The following RECQL4 variants were observed in gnomAD, a reference collection of about 807,000 sequenced individuals.
RECQL4 encodes RecQ like helicase 4.
RECQL4 carries 158 observed loss-of-function variants against 128.6 expected under a neutral mutation model. The ratio of observed to expected loss-of-function variants is 1.23; its 90% CI spans 1.08 to 1.40. The LOEUF (loss-of-function observed/expected upper bound fraction) is 1.40. Ranked by LOEUF, RECQL4 falls within the 40% of genes most tolerant of loss-of-function variation. The pLI is 0.00. For missense variants in RECQL4, 2,293 were observed against 1,649.8 expected (o/e 1.39, Z -6.75); for synonymous variants, 996 against 678.9 (o/e 1.47, Z -7.26).
In RECQL4 at chr8:144,511,555, C is replaced by T. The variant is rs1221050461; in HGVS notation, c.3503G>A (p.Gly1168Glu). Residue 1168 changes from glycine to glutamate, a missense_variant and splice_region_variant, in exon 21 of 21, where the codon GGA becomes GAA. Coordinates refer to ENST00000617875, the MANE Select transcript of RECQL4 (RefSeq NM_004260.4). ...RAVARIFHGI[G>E]SPCYPAQVYG... ...CACCTGGGCCGGGTAGCAGGGGCTT[C>T]CTACGGTGGAGCCAAGACACAGCCG... The T allele has an allele frequency of 6.2e-7, 1 of 1,611,962 alleles. No homozygotes were observed. Among genetic ancestry groups the T allele is most frequent in the African/African-American group, 1.3e-5 (1 of 74,936 alleles).
At position 144,514,479 on chromosome 8, in the gene RECQL4, C is replaced by T. The variant is rs575020739; in HGVS notation, c.1667G>A (p.Gly556Asp). ...PCLKAACIHSGMTRKQRESVL... is the reference protein window; with the variant it reads ...PCLKAACIHSDMTRKQRESVL... Reference sequence around the variant, plus strand: ...AGATTCCCGTTGCTTCCTGGTCATGCCCGAGTGTATGCAGGCCGCCTTGAG... The same window carrying T: ...AGATTCCCGTTGCTTCCTGGTCATGTCCGAGTGTATGCAGGCCGCCTTGAG... The change falls in exon 10 of 21, where the codon GGC (glycine) becomes GAC (aspartate). Residue 556 changes from glycine (G) to aspartate (D), a missense_variant. Coordinates refer to ENST00000617875, the MANE Select transcript of RECQL4 (RefSeq NM_004260.4). 8 of 1,612,334 alleles carry T rather than the reference C, an allele frequency of 5.0e-6. No individual in the cohort carries two copies. In the Admixed American group the frequency reaches 1.3e-4, roughly 27 times the overall value.
chr8:144,513,670 CG>C lies in RECQL4; in HGVS notation c.2100del (p.Asp701IlefsTer142). Reference sequence around the variant, plus strand: ...CGGTTGCAGTAAATGATAATGGAATCGAGGTTTTGAAAACGTTTGCCTTGCA... The same window carrying C: ...CGGTTGCAGTAAATGATAATGGAATCAGGTTTTGAAAACGTTTGCCTTGCA... ...TLLQGKRFQN[L>X]DSIIIYCNRR... is the part of the protein sequence containing the mutation. On this transcript the variant is annotated frameshift_variant, in exon 13 of 21. Coordinates refer to ENST00000617875, the MANE Select transcript of RECQL4 (RefSeq NM_004260.4). LOFTEE classifies it high-confidence loss of function. 6.4e-7 allele frequency: 1 copy of C among 1,556,848 alleles called. No homozygotes were observed. Among genetic ancestry groups the C allele is most frequent in the Non-Finnish European group, 8.7e-7 (1 of 1,151,286 alleles).
Position 144,516,034 on chromosome 8 carries a change from T to G in RECQL4, c.1085A>C (p.His362Pro). Reference protein sequence around the residue: ...NYVRLNMKQKHYVRGRALRSR... With the variant: ...NYVRLNMKQKPYVRGRALRSR... ...ACGGAGTGCCCGGCCCCGCACGTAG[T>G]GTTTCTGCTTCATGTTGAGCCGTAC... Residue 362 changes from histidine to proline, a missense_variant, in exon 5 of 21, where the codon CAC becomes CCC. Transcript: ENST00000617875. The G allele has an allele frequency of 6.2e-7, 1 of 1,611,794 alleles. No individual in the cohort carries two copies. Among genetic ancestry groups the G allele is most frequent in the Non-Finnish European group, 8.5e-7 (1 of 1,179,130 alleles).
In RECQL4 at chr8:144,514,447, G is replaced by A. The variant is rs770709355; in HGVS notation, c.1699C>T (p.Gln567Ter). Residue 567 changes from glutamine to a stop codon, truncating the protein, a stop_gained, in exon 10 of 21, where the codon CAG (glutamine) becomes TAG (stop). Transcript: ENST00000617875. LOFTEE classifies it high-confidence loss of function. ...TAGGCCCATGAGGCCCCCACCTTCT[G>A]CAGGACAGATTCCCGTTGCTTCCTG... Reference protein sequence around the residue: ...MTRKQRESVLQKIRAAQVHVL... With the variant: ...MTRKQRESVL 3.0e-5 allele frequency: 49 copies of A among 1,611,926 alleles called. No individual in the cohort carries two copies. The highest frequency in any genetic ancestry group is 4.2e-5 in the Non-Finnish European group (49 of 1,179,368).
chr8:144,517,224 G>A (rs1815268315), intron 3 of RECQL4, 34 bp from the exon 4 acceptor site: 11 of 1,563,080 alleles, frequency 7.0e-6, no homozygotes, highest in East Asian at 2.4e-5. Flanking sequence ...GGCCAGAAAA[G>A]GCTGTTGTGG....
At chr8:144,511,823 C>T (rs1420186850) in intron 19 of RECQL4, 34 bp from the exon 20 acceptor site, 3 of 1,611,384 alleles carry the variant, frequency 1.9e-6, no homozygotes, top group Non-Finnish European at 2.5e-6. Flanking sequence ...TTCCTCTGAG[C>T]TCCCGTGGCA....
chr8:144,517,618 C>A lies in RECQL4; in HGVS notation c.102G>T (p.Ala34=), dbSNP rs1043318406. The A allele has an allele frequency of 6.2e-5, 92 of 1,486,860 alleles. No individual in the cohort carries two copies. The highest frequency in any genetic ancestry group is 7.8e-5 in the Non-Finnish European group (88 of 1,126,544). The allele number at this position is 1,486,860 out of a possible 1,614,324, so 92.1% of individuals were successfully genotyped here. A position where few individuals can be genotyped will look rare whatever the true frequency, so the allele number is the denominator to read the frequency against. ...RRPSQDDVEA[A]PEETRALYRE... ...CGCGCTCACCGCGGGTCTCCTCCGG[C>A]GCCGCCTCCACGTCGTCCTGTAAAG... The change falls in exon 2 of 21, where the codon GCG becomes GCT. Residue 34 remains alanine (A), a synonymous_variant. Transcript: ENST00000617875.
rs557142414 is a variant in RECQL4, at chr8:144,515,395, G to A, written c.1321C>T (p.Pro441Ser). 214 of 1,612,772 alleles carry A rather than the reference G, an allele frequency of 1.3e-4. 1 individual carries two copies. In the East Asian group the frequency reaches 4.6e-3, roughly 34 times the overall value. ...EPLVPSPQPV[P>S]EVPSLDPTVL... is the part of the protein sequence containing the mutation. ...GTGGGGTCCAGGCTGGGCACCTCAG[G>A]TACAGGTTGTGGTGAAGGAACCAGT... is the stretch of plus-strand genomic sequence containing the variant. The change falls in exon 7 of 21, where the codon CCT (proline) becomes TCT (serine). Residue 441 changes from proline (P) to serine (S), a missense_variant. Coordinates refer to ENST00000617875, the MANE Select transcript of RECQL4 (RefSeq NM_004260.4).
In RECQL4 at chr8:144,512,506, C is replaced by T. The variant is rs757541591; in HGVS notation, c.2941G>A (p.Gly981Ser). The change falls in exon 17 of 21, where the codon GGC (glycine) becomes AGC (serine). Residue 981 changes from glycine to serine, a missense_variant. Transcript: ENST00000617875. ...AQQLPEDPGQGSSSVEFDMVK... is the reference protein window; with the variant it reads ...AQQLPEDPGQSSSSVEFDMVK... ...ATGTCAAACTCCACGGAGCTGCTGC[C>T]TTGCCCTGGGTCCTCAGGCAGCTGC... 15 of 1,612,452 alleles carry T rather than the reference C, an allele frequency of 9.3e-6. No individual in the cohort carries two copies. In the Admixed American group the frequency reaches 1.5e-4, roughly 16 times the overall value.
At chr8:144,514,885 C>T in intron 9 of RECQL4, 51 bp downstream of exon 9, 1 of 1,596,952 alleles carries the variant, frequency 6.3e-7, no homozygotes, top group South Asian at 1.1e-5. Flanking sequence ...TTGGGAGTCA[C>T]AAGTGCTGGT....
In RECQL4 at chr8:144,514,245, G is replaced by A. The variant is rs375033380; in HGVS notation, c.1822C>T (p.His608Tyr). The A allele has an allele frequency of 6.8e-6, 11 of 1,612,166 alleles. No individual in the cohort carries two copies. Among genetic ancestry groups the A allele is most frequent in the African/African-American group, 1.3e-5 (1 of 74,894 alleles). Residue 608 changes from histidine to tyrosine, a missense_variant, in exon 11 of 21, where the codon CAC becomes TAC. Transcript: ENST00000617875. ...TTGTGGGACCACTGGGAGAGGCAGT[G>A]GGCCTCATCAATGCAGGCAAAAGCA... is the stretch of plus-strand genomic sequence containing the variant. ...PVAFACIDEA[H>Y]CLSQWSHNFR... is the part of the protein sequence containing the mutation.
At position 144,512,292 on chromosome 8, in the gene RECQL4, A is replaced by C. The variant is rs759912361; in HGVS notation, c.3088T>G (p.Phe1030Val). 66 of 1,612,196 alleles carry C rather than the reference A, an allele frequency of 4.1e-5. No homozygotes were observed. The highest frequency in any genetic ancestry group is 5.5e-5 in the Non-Finnish European group (65 of 1,179,748). Residue 1030 changes from phenylalanine (F) to valine (V), a missense_variant, in exon 18 of 21, where the codon TTC (phenylalanine) becomes GTC (valine). Phe to Val is a conservative substitution (Grantham distance 50). Transcript: ENST00000617875. ...CGAAGGTGGAAGGCCAGCTCACTGA[A>C]CTCCACAAGCACCCCTGTCCCACGC... The part of the protein sequence containing the change: ...VRRGTGVLVE[F>V]SELAFHLRSP...
At position 144,514,959 on chromosome 8, in the gene RECQL4, G is replaced by A. The variant is rs769939735; in HGVS notation, c.1597C>T (p.Leu533=). Residue 533 remains leucine (L), a synonymous_variant, in exon 9 of 21, where the codon CTG becomes TTG. Transcript: ENST00000617875. ...ACCTGGTCATCCATGAGTGACAGCAGGGGAGAGACGACCAACGTGAGGCAG... is the reference window on the plus strand; with the variant it reads ...ACCTGGTCATCCATGAGTGACAGCAAGGGAGAGACGACCAACGTGAGGCAG... ...SPCLTLVVSP[L]LSLMDDQVSG... is the part of the protein sequence containing the mutation. 2.8e-5 allele frequency: 45 copies of A among 1,611,656 alleles called. 1 individual carries two copies. The East Asian group carries it at 5.3e-4, about 19-fold the overall frequency.
Position 144,515,163 on chromosome 8 carries a change from C to T in RECQL4, c.1470G>A (p.Met490Ile), listed in dbSNP as rs1464951222. 1 of 1,565,150 alleles carries T rather than the reference C, an allele frequency of 6.4e-7. No individual in the cohort carries two copies. The highest frequency in any genetic ancestry group is 1.4e-5 in the African/African-American group (1 of 73,722). Residue 490 changes from methionine (M) to isoleucine (I), a missense_variant, in exon 8 of 21, where the codon ATG becomes ATA. Transcript: ENST00000617875. ...AFRPGQERAV[M>I]RILSGISTLL... ...AGCCACGCTCACCAGACAGGATCCGCATGACTGCACGCTCCTGCCCAGGGC... is the reference window on the plus strand; with the variant it reads ...AGCCACGCTCACCAGACAGGATCCGTATGACTGCACGCTCCTGCCCAGGGC...
Position 144,511,376 on chromosome 8 carries a change from C to G in RECQL4, c.*55G>C. The G allele has an allele frequency of 1.9e-6, 3 of 1,595,618 alleles. No homozygotes were observed. The highest frequency in any genetic ancestry group is 2.6e-6 in the Non-Finnish European group (3 of 1,165,840). ...CAGGTTTTGCCCAGGTCCTCAGTCA[C>G]TGCCCTAGCCTCTGACAACCCCAGC... On this transcript the variant is annotated 3_prime_UTR_variant, in exon 21 of 21. Coordinates refer to ENST00000617875, the MANE Select transcript of RECQL4 (RefSeq NM_004260.4).
At position 144,517,831 on chromosome 8, in the gene RECQL4, T is replaced by C. The variant is rs2130747449; in HGVS notation, c.-47A>G. 8.5e-7 allele frequency: 1 copy of C among 1,175,986 alleles called. No individual in the cohort carries two copies. The highest frequency in any genetic ancestry group is 1.1e-6 in the Non-Finnish European group (1 of 952,002). 72.8% of individuals were successfully genotyped at this position (1,175,986 alleles called of 1,614,324 possible). On this transcript the variant is annotated 5_prime_UTR_variant, in exon 1 of 21. Coordinates refer to ENST00000617875, the MANE Select transcript of RECQL4 (RefSeq NM_004260.4). ...TCCGCGCTTGCGATCGTCCAGCGAA[T>C]CTCCCGCGCAGCCGTCGCGGGGGCC...
intron 18 of RECQL4, 28 bp from the exon 19 acceptor site, chr8:144,512,095 T>A (rs1303640058): frequency 1.2e-6 from 2 of 1,605,454 alleles, no homozygotes; most frequent in Non-Finnish European, 1.7e-6. Context: ...TCAGAGCTGA[T>A]CACTGCGGGA....
In RECQL4 at chr8:144,515,200, T is replaced by A. The variant is rs925385244; in HGVS notation, c.1433A>T (p.His478Leu). 1 of 1,570,854 alleles carries A rather than the reference T, an allele frequency of 6.4e-7. No homozygotes were observed. The highest frequency in any genetic ancestry group is 1.4e-5 in the African/African-American group (1 of 73,764). The part of the protein sequence containing the change: ...EVFQALEQLG[H>L]QAFRPGQERA... ...CTCCTGCCCAGGGCGAAAGGCTTGG[T>A]GCCCCAGCTGCTCCAGGGCCTGGAA... Residue 478 changes from histidine to leucine, a missense_variant, in exon 8 of 21, where the codon CAC becomes CTC. By Grantham distance (99) the His-to-Leu change is moderately conservative (BLOSUM62 -3). Transcript: ENST00000617875.
Position 144,512,995 on chromosome 8 carries a change from A to G in RECQL4, c.2607T>C (p.Gly869=). ...RPPSEQEGAV[G]GERPVPKYPP... is the part of the protein sequence containing the mutation. ...GGTACTTGGGCACAGGCCTCTCCCC[A>G]CCCACGGCCCCTTCCTGCTCCGAGG... The change falls in exon 15 of 21, where the codon GGT becomes GGC. Residue 869 remains glycine (G), a synonymous_variant. Coordinates refer to ENST00000617875, the MANE Select transcript of RECQL4 (RefSeq NM_004260.4). The G allele has an allele frequency of 1.3e-6, 2 of 1,570,128 alleles. No homozygotes were observed. Among genetic ancestry groups the G allele is most frequent in the Non-Finnish European group, 1.7e-6 (2 of 1,158,382 alleles).
Sources: allele counts gnomAD v4.1 joint callset, GRCh38; gene constraint gnomAD v4.1.1; transcripts MANE v1.5; gene names NCBI Gene and HGNC (gene_info 2026-07-23, HGNC 2026-07-21).